PTGER3: variants seen among roughly 807,000 people sequenced by gnomAD.
The protein encoded by PTGER3 is prostaglandin E2 receptor EP3 subtype.
In PTGER3, 22 loss-of-function variants were observed where a neutral mutation model predicts 34.7. The observed-to-expected ratio is 0.63, with a 90% CI of 0.45 to 0.91. PTGER3 has a LOEUF of 0.91. Among genes scored for constraint, PTGER3 ranks in the 40% least tolerant of loss-of-function variants. PTGER3 has a pLI of 0.00. For synonymous variants in PTGER3, 241 were observed against 230.1 expected (o/e 1.05, Z -0.43); for missense variants, 468 against 519.4 (o/e 0.90, Z 0.96).
At chr1:70,871,391 C>T (rs12075719) in intron 4 of PTGER3, among the ~76,000 whole-genome samples, 1,900 of 152,228 alleles carry the variant, frequency 0.012, 42 homozygotes, top group African/African-American at 0.043. Flanking sequence ...GGCCCCATCT[C>T]CAACACTGGA....
At chr1:71,022,242 T>C (rs569770250) in intron 1 of PTGER3, among the ~76,000 whole-genome samples, 12 of 151,938 alleles carry the variant, frequency 7.9e-5, no homozygotes, top group Non-Finnish European at 1.8e-4. Context: ...CCTAGAACTA[T>C]AATGTGGTCA....
At chr1:71,029,757 C>G (rs981678522) in intron 1 of PTGER3, among the ~76,000 whole-genome samples, 1 of 151,948 alleles carries the variant, frequency 6.6e-6, no homozygotes, top group African/African-American at 2.4e-5. Flanking sequence ...GAAACCCCAT[C>G]TGTACTAAAC....
chr1:70,893,094 T>C (rs1232896091), intron 4 of PTGER3, among the ~76,000 whole-genome samples: 1 of 152,180 alleles, frequency 6.6e-6, no homozygotes, highest in Non-Finnish European at 1.5e-5. Context: ...GGAATCTAGT[T>C]TACCAGCTTT....
intron 4 of PTGER3, among the ~76,000 whole-genome samples, chr1:70,897,093 T>C (rs951597496): frequency 6.6e-6 from 1 of 152,108 alleles, no homozygotes; most frequent in African/African-American, 2.4e-5. Context: ...CTCTTCCTTT[T>C]TATATTTGTA....
chr1:70,869,658 A>C (rs779467751), intron 4 of PTGER3, among the ~76,000 whole-genome samples: 28 of 152,200 alleles, frequency 1.8e-4, no homozygotes, highest in Non-Finnish European at 2.9e-5. Context: ...CCAAAAGAAA[A>C]AGGCTACAGG....
At chr1:70,917,081 G>A (rs1237196153) in intron 4 of PTGER3, among the ~76,000 whole-genome samples, 1 of 151,694 alleles carries the variant, frequency 6.6e-6, no homozygotes, top group Non-Finnish European at 1.5e-5. Context: ...ACACTACATT[G>A]TTATTTGCTA....
At chr1:70,970,377 G>A (rs560610740), downstream of PTGER3, among the ~76,000 whole-genome samples, 1 of 152,238 alleles carries the variant, frequency 6.6e-6, no homozygotes, top group Non-Finnish European at 1.5e-5. Context: ...AAGGGATTGT[G>A]TACAGCATCA....
intron 4 of PTGER3, among the ~76,000 whole-genome samples, chr1:70,900,474 T>C (rs1383797316): frequency 6.6e-6 from 1 of 152,204 alleles, no homozygotes; most frequent in African/African-American, 2.4e-5. Context: ...TCCTAGAGAC[T>C]ATTTCAGTAT....
chr1:71,038,236 T>C (rs1388589103), intron 1 of PTGER3, among the ~76,000 whole-genome samples: 1 of 152,184 alleles, frequency 6.6e-6, no homozygotes, highest in Non-Finnish European at 1.5e-5. Flanking sequence ...CAAAAAGATA[T>C]ACAAATCAAA....
chr1:71,012,044 C>G (rs1657492712), intron 2 of PTGER3: 5 of 1,423,510 alleles, frequency 3.5e-6, no homozygotes, highest in Non-Finnish European at 4.6e-6. Context: ...GTTTGTGTTT[C>G]ACTACTTTTG....
chr1:70,852,798 A>G (rs1278971685), exon 5 of PTGER3: 4 of 1,609,906 alleles, frequency 2.5e-6, no homozygotes, highest in Non-Finnish European at 3.4e-6. Context: ...AAAGAGAGTC[A>G]TGGAGCTTCC....
At chr1:70,936,069 C>A (rs1356455348) in intron 4 of PTGER3, among the ~76,000 whole-genome samples, 2 of 152,226 alleles carry the variant, frequency 1.3e-5, no homozygotes, top group Middle Eastern at 3.4e-3. Flanking sequence ...AAGGACATCA[C>A]AAAAATTCAT....
chr1:70,981,384 TTTCTTTCTTTCCTTCC>T (rs1282096593), intron 2 of PTGER3, among the ~76,000 whole-genome samples: 171 of 48,240 alleles, frequency 3.5e-3, no homozygotes, highest in South Asian at 0.012. Flanking sequence ...TCTTTCTTTC[TTTCTTTCTTTCCTTCC>T]TTCCTTCCTT....
At chr1:70,969,770 CCA>C (rs1254722309), downstream of PTGER3, among the ~76,000 whole-genome samples, 2 of 152,048 alleles carry the variant, frequency 1.3e-5, no homozygotes, top group Non-Finnish European at 2.9e-5. Flanking sequence ...ACATTTAAAC[CCA>C]CAGAGTCAAG....
chr1:70,865,822 A>T, intron 4 of PTGER3: 1 of 1,360,412 alleles, frequency 7.4e-7, no homozygotes, highest in South Asian at 1.1e-5. Flanking sequence ...TAGAGGTGGG[A>T]AGAAGAGGAG....
At chr1:71,025,382 T>C (rs1285671391) in intron 1 of PTGER3, among the ~76,000 whole-genome samples, 1 of 151,974 alleles carries the variant, frequency 6.6e-6, no homozygotes, top group Non-Finnish European at 1.5e-5. Flanking sequence ...ATAAAATATA[T>C]TGAATCTATA....
chr1:70,940,920 T>C (rs1400412003), intron 4 of PTGER3, among the ~76,000 whole-genome samples: 2 of 152,162 alleles, frequency 1.3e-5, no homozygotes, highest in Admixed American at 6.6e-5. Flanking sequence ...ATCTTTAATT[T>C]AGTAGTAACT....
At chr1:70,940,535 C>T (rs552971379) in intron 4 of PTGER3, among the ~76,000 whole-genome samples, 1 of 152,260 alleles carries the variant, frequency 6.6e-6, no homozygotes, top group East Asian at 1.9e-4. Context: ...ACTTACAGTT[C>T]CACATGGCTG....
At chr1:70,979,205 G>A (rs559030652) in intron 2 of PTGER3, among the ~76,000 whole-genome samples, 2 of 151,868 alleles carry the variant, frequency 1.3e-5, no homozygotes, top group Admixed American at 6.6e-5. Flanking sequence ...CAGCCACAAC[G>A]TGGTTTAATT....
Sources: gnomAD v4.1 joint callset for allele counts (sites outside exome capture counted in the v4.1 genomes callset) on GRCh38, gnomAD v4.1.1 for gene constraint, MANE v1.5 for transcripts, NCBI Gene and HGNC (gene_info 2026-07-23, HGNC 2026-07-21) for gene names.